Variants in ZNF236 observed in about 807,000 individuals in gnomAD.
The protein encoded by ZNF236 is zinc finger protein 236.
A neutral mutation model predicts 191.2 loss-of-function variants in ZNF236; 50 were observed. The observed-to-expected ratio is 0.26, with a 90% CI of 0.21 to 0.33. The LOEUF (loss-of-function observed/expected upper bound fraction) is 0.33, where lower values mean the gene tolerates loss of function less well. ZNF236 is among the 10% of genes least tolerant of loss of function. The probability of loss-of-function intolerance (pLI) is 1.00; values close to 1 mark genes in which losing one functional copy is unlikely to be tolerated. For synonymous variants in ZNF236, 907 were observed against 928.8 expected (o/e 0.98, Z 0.43); for missense variants, 1,754 against 2,374.5 (o/e 0.74, Z 5.43).
chr18:76,916,827 G>A (rs1967378484), intron 19 of ZNF236, among the ~76,000 whole-genome samples: 1 of 152,284 alleles, frequency 6.6e-6, no homozygotes, highest in East Asian at 1.9e-4. Context: ...TTGTGTCAGT[G>A]GCTGTGTGGA....
At chr18:76,845,456 G>A (rs751042033) in intron 1 of ZNF236, among the ~76,000 whole-genome samples, 4 of 152,158 alleles carry the variant, frequency 2.6e-5, no homozygotes, top group Non-Finnish European at 4.4e-5. Context: ...TGGTATGTGT[G>A]TTTGTGCATG....
At chr18:76,961,742 T>A (rs1418757267) in intron 30 of ZNF236, among the ~76,000 whole-genome samples, 3 of 152,132 alleles carry the variant, frequency 2.0e-5, no homozygotes. Flanking sequence ...TTTTTTTTAT[T>A]TTTTGATTAT....
chr18:76,830,161 G>T (rs530536738), intron 1 of ZNF236, among the ~76,000 whole-genome samples: 4 of 152,334 alleles, frequency 2.6e-5, no homozygotes, highest in African/African-American at 9.6e-5. Context: ...GAGCCACGGT[G>T]CCTGGCCAGC....
At chr18:76,946,346 A>G (rs952985828) in intron 26 of ZNF236, among the ~76,000 whole-genome samples, 2 of 152,190 alleles carry the variant, frequency 1.3e-5, no homozygotes, top group African/African-American at 2.4e-5. Flanking sequence ...GCCACATGGA[A>G]CTGTCAGTCC....
intron 6 of ZNF236, among the ~76,000 whole-genome samples, chr18:76,877,318 G>T (rs373097693): frequency 6.6e-6 from 1 of 152,160 alleles, no homozygotes. Context: ...AGACCAGCCT[G>T]GCCAACATGG....
intron 20 of ZNF236, among the ~76,000 whole-genome samples, chr18:76,921,076 CTG>C (rs769497851): frequency 1.3e-5 from 2 of 152,224 alleles, no homozygotes; most frequent in Admixed American, 6.5e-5. Context: ...TCCTTGTACT[CTG>C]TTCTACAGAG....
intron 25 of ZNF236, among the ~76,000 whole-genome samples, chr18:76,930,704 T>C (rs762813182): frequency 3.3e-5 from 5 of 152,324 alleles, no homozygotes; most frequent in Non-Finnish European, 7.3e-5. Flanking sequence ...GGTTCTGTTA[T>C]CGCCTGGTGA....
Position 76,871,830 on chromosome 18 carries a change from G to A in ZNF236, c.667+5G>A, listed in dbSNP as rs777517344. 5.6e-5 allele frequency: 91 copies of A among 1,614,050 alleles called. No individual in the cohort carries two copies. The highest frequency in any genetic ancestry group is 7.5e-5 in the Non-Finnish European group (88 of 1,180,026). On this transcript the variant is annotated splice_donor_5th_base_variant and intron_variant, in intron 5 of 30. Transcript: ENST00000320610. ...GACACATTAGGATACACACAGGTAT[G>A]AAAACACTGACTTCTGGATGACTGA...
chr18:76,930,873 A>G (rs1343734434), intron 25 of ZNF236, among the ~76,000 whole-genome samples: 1 of 152,270 alleles, frequency 6.6e-6, no homozygotes, highest in African/African-American at 2.4e-5. Context: ...TTTTTAAAAT[A>G]CTTCACAGCT....
In ZNF236 at chr18:76,970,289, T is replaced by A. The variant is rs978732896; in HGVS notation, c.*1950T>A. 2.6e-5 allele frequency: 4 copies of A among 152,644 alleles called. No homozygotes were observed. Among genetic ancestry groups the A allele is most frequent in the Non-Finnish European group, 4.4e-5 (3 of 68,030 alleles). The allele number at this position is 152,644 out of a possible 1,614,324, so 9.5% of individuals were successfully genotyped here. On this transcript the variant is annotated 3_prime_UTR_variant, in exon 31 of 31. Transcript: ENST00000320610. ...TAAAAGGGGTTGTTTAATTCCTAATTGTATAGAAAGCTAGTTTGGTGAATT... is the reference window on the plus strand; with the variant it reads ...TAAAAGGGGTTGTTTAATTCCTAATAGTATAGAAAGCTAGTTTGGTGAATT...
chr18:76,823,106 C>T (rs1974910361), intron 1 of ZNF236, among the ~76,000 whole-genome samples: 1 of 150,968 alleles, frequency 6.6e-6, no homozygotes, highest in South Asian at 2.1e-4. Context: ...GCGCCCCGGG[C>T]TCCTCCCGGA....
chr18:76,834,130 A>T (rs76175182), intron 1 of ZNF236, among the ~76,000 whole-genome samples: 2,009 of 152,258 alleles, frequency 0.013, 38 homozygotes, highest in African/African-American at 0.046. Flanking sequence ...TATTAACAGA[A>T]CATTATTCAT....
intron 30 of ZNF236, among the ~76,000 whole-genome samples, chr18:76,963,987 T>C (rs1968717990): frequency 6.6e-6 from 1 of 152,240 alleles, no homozygotes; most frequent in African/African-American, 2.4e-5. Flanking sequence ...GCTAGTAGTC[T>C]ATCAATTTTA....
chr18:76,950,462 C>T (rs1968376732), intron 27 of ZNF236, among the ~76,000 whole-genome samples: 2 of 152,038 alleles, frequency 1.3e-5, no homozygotes, highest in Admixed American at 1.3e-4. Flanking sequence ...CCTATCTGCT[C>T]AGTTATATAT....
chr18:76,878,190 A>G (rs1305176215), intron 7 of ZNF236, 38 bp downstream of exon 7: 2 of 1,536,364 alleles, frequency 1.3e-6, no homozygotes, highest in Non-Finnish European at 1.8e-6. Context: ...TTTTTAAACT[A>G]AAATCTGTCA....
Position 76,905,142 on chromosome 18 carries a change from A to AT in ZNF236, c.2037-4dup, listed in dbSNP as rs752645333. On this transcript the variant is annotated splice_polypyrimidine_tract_variant and intron_variant, in intron 12 of 30. Coordinates refer to ENST00000320610, the MANE Select transcript of ZNF236 (RefSeq NM_001306089.2). ...AAGAAACATATTCATTAAAATGTGT[A>AT]TTTTTTTTTAAGATCCCATACAGGT... The AT allele has an allele frequency of 8.7e-5, 136 of 1,569,758 alleles. No homozygotes were observed. Among genetic ancestry groups the AT allele is most frequent in the Admixed American group, 1.2e-4 (7 of 56,448 alleles).
intron 1 of ZNF236, among the ~76,000 whole-genome samples, chr18:76,831,799 C>T (rs892378185): frequency 6.6e-6 from 1 of 152,062 alleles, no homozygotes; most frequent in Non-Finnish European, 1.5e-5. Context: ...TTTTAACATA[C>T]GATGTTGAGC....
At chr18:76,833,525 T>C (rs555882857) in intron 1 of ZNF236, among the ~76,000 whole-genome samples, 1 of 152,212 alleles carries the variant, frequency 6.6e-6, no homozygotes, top group Non-Finnish European at 1.5e-5. Flanking sequence ...AAGCCAAACT[T>C]GTATCCCTGG....
At chr18:76,829,226 C>T (rs1975094477) in intron 1 of ZNF236, among the ~76,000 whole-genome samples, 1 of 152,124 alleles carries the variant, frequency 6.6e-6, no homozygotes, top group Non-Finnish European at 1.5e-5. Context: ...GTTTTTCAAG[C>T]TATGTTTTGT....
Sources: allele counts gnomAD v4.1 joint callset (sites outside exome capture counted in the v4.1 genomes callset), GRCh38; gene constraint gnomAD v4.1.1; transcripts MANE v1.5; gene names NCBI Gene and HGNC (gene_info 2026-07-23, HGNC 2026-07-21).